Variants in TTLL9 observed in about 807,000 individuals in gnomAD.
TTLL9 encodes probable tubulin polyglutamylase TTLL9.
Under a neutral mutation model 65.6 loss-of-function variants are expected in TTLL9, and 47 were observed. The observed-to-expected ratio is 0.72, with a 90% CI of 0.57 to 0.91. The LOEUF is 0.91. Ranked by LOEUF, TTLL9 falls within the 40% of genes least tolerant of loss-of-function variation. TTLL9 has a pLI of 0.00. For missense variants in TTLL9, 537 were observed against 568.8 expected (o/e 0.94, Z 0.57); for synonymous variants, 179 against 204.8 (o/e 0.87, Z 1.07).
chr20:31,886,836 C>T (rs1252767463), intron 2 of TTLL9, among the ~76,000 whole-genome samples: 1 of 152,110 alleles, frequency 6.6e-6, no homozygotes, highest in Non-Finnish European at 1.5e-5. Flanking sequence ...ACAACAACAA[C>T]AAAAGCTCAG....
chr20:31,901,856 C>T (rs564815816), intron 4 of TTLL9, among the ~76,000 whole-genome samples: 1 of 152,274 alleles, frequency 6.6e-6, no homozygotes, highest in South Asian at 2.1e-4. Context: ...CTTCACAATT[C>T]TTTATTATAG....
At chr20:31,911,831 C>T (rs868270175) in intron 6 of TTLL9, among the ~76,000 whole-genome samples, 4 of 142,228 alleles carry the variant, frequency 2.8e-5, no homozygotes, top group Non-Finnish European at 4.6e-5. Flanking sequence ...TGTGTCTGTG[C>T]GTGTGTGTGT....
At chr20:31,896,547 T>C (rs2063391909) in intron 3 of TTLL9, among the ~76,000 whole-genome samples, 2 of 152,168 alleles carry the variant, frequency 1.3e-5, no homozygotes, top group African/African-American at 4.8e-5. Context: ...TTTGGTTTTT[T>C]TTGAGACAGT....
intron 3 of TTLL9, among the ~76,000 whole-genome samples, chr20:31,890,370 C>T (rs2074513018): frequency 1.3e-5 from 2 of 151,498 alleles, no homozygotes; most frequent in African/African-American, 4.9e-5. Context: ...TATTCTGCAC[C>T]CTGCTTTTGT....
In TTLL9 at chr20:31,933,778, C is replaced by T. The variant is rs758212760; in HGVS notation, c.749-22C>T. On this transcript the variant is annotated intron_variant, in intron 10 of 14. Coordinates refer to ENST00000535842, the MANE Select transcript of TTLL9 (RefSeq NM_001008409.5). ...CTCACCCTTTTTGTTCACGCTGACC[C>T]TTGACCACCACCCTCTCCCAGATGT... 1.9e-6 allele frequency: 3 copies of T among 1,612,858 alleles called. No individual in the cohort carries two copies. In the African/African-American group the frequency reaches 4.0e-5, roughly 22 times the overall value.
chr20:31,939,558 T>C (rs887782768), intron 14 of TTLL9: 1 of 242,362 alleles, frequency 4.1e-6, no homozygotes, highest in Non-Finnish European at 7.9e-6. Flanking sequence ...AACAATCTGG[T>C]GTATTTCCTT....
At chr20:31,924,279 T>A (rs1191823078) in intron 8 of TTLL9, among the ~76,000 whole-genome samples, 2 of 152,140 alleles carry the variant, frequency 1.3e-5, no homozygotes, top group African/African-American at 4.8e-5. Context: ...CACCCTTCCA[T>A]GGCTTCCCAT....
intron 2 of TTLL9, among the ~76,000 whole-genome samples, chr20:31,882,929 TA>T (rs1343599476): frequency 6.6e-6 from 1 of 151,682 alleles, no homozygotes; most frequent in East Asian, 1.9e-4. Flanking sequence ...AAAAGGAAAA[TA>T]AAAAAACAGA....
chr20:31,908,479 G>A, intron 4 of TTLL9, 112 bp from the exon 5 acceptor site: 6 of 698,054 alleles, frequency 8.6e-6, no homozygotes, highest in East Asian at 2.7e-5. Flanking sequence ...ACTCTAGAGG[G>A]ACACAGTGCT....
chr20:31,899,077 G>T (rs966223546), intron 4 of TTLL9, among the ~76,000 whole-genome samples: 4 of 152,240 alleles, frequency 2.6e-5, no homozygotes, highest in Non-Finnish European at 5.9e-5. Flanking sequence ...GGTGCTATTA[G>T]TTATGGCTAA....
At chr20:31,879,210 A>G (rs1231682148) in intron 2 of TTLL9, among the ~76,000 whole-genome samples, 1 of 152,168 alleles carries the variant, frequency 6.6e-6, no homozygotes, top group Non-Finnish European at 1.5e-5. Flanking sequence ...AATCCCAGCT[A>G]CTCGGGAGGC....
chr20:31,912,499 T>C (rs964244557), intron 6 of TTLL9, among the ~76,000 whole-genome samples: 1 of 152,056 alleles, frequency 6.6e-6, no homozygotes, highest in Non-Finnish European at 1.5e-5. Flanking sequence ...TCAGTCAGCC[T>C]GGTGGGGGCC....
In TTLL9 at chr20:31,923,140, G is replaced by T. The variant is rs372245550; in HGVS notation, c.664+87G>T. ...AGCTTTGACCAGCAGCCTGCCAAGG[G>T]CCCAGCCTGACACCAGGCATGAAGG... On this transcript the variant is annotated intron_variant, in intron 8 of 14. Coordinates refer to ENST00000535842, the MANE Select transcript of TTLL9 (RefSeq NM_001008409.5). 406 of 1,047,354 alleles carry T rather than the reference G, an allele frequency of 3.9e-4. No individual in the cohort carries two copies. The African/African-American group carries it at 5.4e-3, about 14-fold the overall frequency. The allele number at this position is 1,047,354 out of a possible 1,614,324, so 64.9% of individuals were successfully genotyped here.
intron 2 of TTLL9, among the ~76,000 whole-genome samples, chr20:31,873,483 TACAA>T (rs1239768143): frequency 1.3e-5 from 2 of 151,840 alleles, no homozygotes; most frequent in African/African-American, 4.8e-5. Context: ...ATTTCGTCTC[TACAA>T]ACAAACAAAC....
intron 10 of TTLL9, among the ~76,000 whole-genome samples, chr20:31,930,898 C>T (rs1013999102): frequency 1.3e-5 from 2 of 152,120 alleles, no homozygotes; most frequent in African/African-American, 2.4e-5. Flanking sequence ...TGACCCATCT[C>T]TCACCCCTTT....
rs996243241 is a variant in TTLL9, at chr20:31,944,497, C to G, written c.*1476C>G. On this transcript the variant is annotated 3_prime_UTR_variant, in exon 15 of 15. Transcript: ENST00000535842. ...CAGGTGCTGTTCTGAGGGAATCACACTGTGCTTGCACAAAAATTATTAGCT... is the reference window on the plus strand; with the variant it reads ...CAGGTGCTGTTCTGAGGGAATCACAGTGTGCTTGCACAAAAATTATTAGCT... 6.6e-6 allele frequency: 1 copy of G among 152,518 alleles called. No individual in the cohort carries two copies. Among genetic ancestry groups the G allele is most frequent in the Non-Finnish European group, 1.5e-5 (1 of 68,248 alleles). The allele number at this position is 152,518 out of a possible 1,614,324, so 9.4% of individuals were successfully genotyped here. A position where few individuals can be genotyped will look rare whatever the true frequency, so the allele number is the denominator to read the frequency against.
intron 10 of TTLL9, among the ~76,000 whole-genome samples, chr20:31,932,843 A>G (rs1458250606): frequency 6.6e-6 from 1 of 152,138 alleles, no homozygotes; most frequent in Non-Finnish European, 1.5e-5. Flanking sequence ...CTAAAAATAC[A>G]AAAATCAGCT....
intron 3 of TTLL9, among the ~76,000 whole-genome samples, chr20:31,898,148 C>T (rs960731972): frequency 1.3e-5 from 2 of 152,170 alleles, no homozygotes; most frequent in Non-Finnish European, 2.9e-5. Flanking sequence ...TCTGCTTCAT[C>T]TTCCCAGATG....
At chr20:31,918,174 G>T (rs889689794) in intron 6 of TTLL9, among the ~76,000 whole-genome samples, 2 of 152,088 alleles carry the variant, frequency 1.3e-5, no homozygotes, top group East Asian at 3.9e-4. Context: ...TGTCTTATCT[G>T]TGTTTTACTG....
Sources: allele counts gnomAD v4.1 joint callset (sites outside exome capture counted in the v4.1 genomes callset), GRCh38; gene constraint gnomAD v4.1.1; transcripts MANE v1.5; gene names NCBI Gene and HGNC (gene_info 2026-07-23, HGNC 2026-07-21).